ADGRV1: variants seen among roughly 807,000 people sequenced by gnomAD.
ADGRV1 encodes G-protein coupled receptor 98.
Under a neutral mutation model 596.2 loss-of-function variants are expected in ADGRV1, and 359 were observed. That is an observed-to-expected ratio of 0.60 (90% confidence interval 0.55 to 0.66). The LOEUF is 0.66. ADGRV1 is among the 30% of genes least tolerant of loss of function. The pLI, the probability that ADGRV1 is intolerant of heterozygous loss-of-function variation, is 0.00. For synonymous variants in ADGRV1, 2,681 were observed against 2,679.2 expected, an observed-to-expected ratio of 1.00 and a Z score of -0.02; for missense variants, 7,274 against 7,575.6, an observed-to-expected ratio of 0.96 and a Z score of 1.48.
chr5:91,063,846 C>CTGGTGGTGGTGG (rs199538556), intron 85 of ADGRV1, among the ~76,000 whole-genome samples: 2 of 151,028 alleles, frequency 1.3e-5, no homozygotes, highest in African/African-American at 4.9e-5. Context: ...CATAGGGGAG[C>CTGGTGGTGGTGG]TGGTGGTGGT....
chr5:91,012,156 A>C (rs751401738), intron 85 of ADGRV1, among the ~76,000 whole-genome samples: 2 of 151,890 alleles, frequency 1.3e-5, no homozygotes, highest in Non-Finnish European at 2.9e-5. Context: ...TCTATTGCCA[A>C]TTCACCTGGT....
intron 29 of ADGRV1, among the ~76,000 whole-genome samples, chr5:90,687,652 A>C (rs931623642): frequency 2.6e-5 from 4 of 152,138 alleles, no homozygotes; most frequent in African/African-American, 9.7e-5. Context: ...AGAAAATCCC[A>C]TTGTCTCAGC....
At chr5:90,863,983 C>T (rs1767853769) in intron 83 of ADGRV1, 126 bp downstream of exon 83, 2 of 635,038 alleles carry the variant, frequency 3.1e-6, no homozygotes, top group African/African-American at 1.8e-5. Flanking sequence ...TTTAGTTTTG[C>T]AGTGGAAGAG....
At chr5:90,774,749 C>T (rs1247035476) in intron 60 of ADGRV1, among the ~76,000 whole-genome samples, 1 of 152,036 alleles carries the variant, frequency 6.6e-6, no homozygotes, top group Non-Finnish European at 1.5e-5. Flanking sequence ...ACAGGTTTTG[C>T]AACAACATGC....
At chr5:90,823,341 G>T (rs1270456736) in intron 75 of ADGRV1, 84 bp from the exon 76 acceptor site, 10 of 1,334,974 alleles carry the variant, frequency 7.5e-6, no homozygotes, top group Non-Finnish European at 1.1e-5. Flanking sequence ...TTTGGATGAA[G>T]AGGTACCATT....
At chr5:90,999,564 G>A (rs1217033127) in intron 85 of ADGRV1, among the ~76,000 whole-genome samples, 8 of 151,990 alleles carry the variant, frequency 5.3e-5, no homozygotes, top group Admixed American at 4.6e-4. Flanking sequence ...AATTGCGGGT[G>A]GCAGAGTTGT....
chr5:90,809,473 C>A (rs1280710478), intron 73 of ADGRV1, among the ~76,000 whole-genome samples: 2 of 152,098 alleles, frequency 1.3e-5, no homozygotes, highest in Non-Finnish European at 2.9e-5. Flanking sequence ...TGATTTCAAC[C>A]CAGGCTGAAT....
At chr5:90,575,196 C>A (rs1580319122) in intron 1 of ADGRV1, among the ~76,000 whole-genome samples, 1 of 151,102 alleles carries the variant, frequency 6.6e-6, no homozygotes, top group African/African-American at 2.4e-5. Flanking sequence ...TGATTTGAGA[C>A]CTTTCTAACT....
intron 36 of ADGRV1, 43 bp downstream of exon 36, chr5:90,704,531 T>C: frequency 8.0e-7 from 1 of 1,248,136 alleles, no homozygotes; most frequent in African/African-American, 1.5e-5. Flanking sequence ...TATATTCTTT[T>C]CGTAAAAGAA....
Position 90,617,970 on chromosome 5 carries a change from TC to T in ADGRV1, c.357+19del. The T allele has an allele frequency of 6.6e-7, 1 of 1,521,178 alleles. No individual in the cohort carries two copies. Among genetic ancestry groups the T allele is most frequent in the East Asian group, 2.4e-5 (1 of 41,676 alleles). The allele number at this position is 1,521,178 out of a possible 1,614,324, so 94.2% of individuals were successfully genotyped here. A position where few individuals can be genotyped will look rare whatever the true frequency, so the allele number is the denominator to read the frequency against. On this transcript the variant is annotated intron_variant, in intron 3 of 89. Coordinates refer to ENST00000405460, the MANE Select transcript of ADGRV1 (RefSeq NM_032119.4). ...ACATTACAGGTAAGTCCGTGTTTCC[TC>T]CTTATAAAAATTATAAGGAGGACTT...
Position 90,961,895 on chromosome 5 carries a change from T to A in ADGRV1, c.17857-3520T>A, listed in dbSNP as rs574922650. 8.6e-4 allele frequency among the ~76,000 whole-genome samples: 131 copies of A among 152,328 alleles called. 3 individuals carry two copies. The highest frequency in any genetic ancestry group is 8.3e-3 in the Admixed American group (127 of 15,302). ...GAATTGAGAATAGTATTATATTTGC[T>A]CTTGGCATTATATTTGATTGTCATT... On this transcript the variant is annotated intron_variant, in intron 83 of 89. Coordinates refer to ENST00000405460, the MANE Select transcript of ADGRV1 (RefSeq NM_032119.4).
chr5:90,853,328 C>T lies in ADGRV1; in HGVS notation c.17249C>T (p.Ala5750Val). 1 of 1,612,628 alleles carries T rather than the reference C, an allele frequency of 6.2e-7. No individual in the cohort carries two copies. Among genetic ancestry groups the T allele is most frequent in the Non-Finnish European group, 8.5e-7 (1 of 1,179,032 alleles). Residue 5750 changes from alanine to valine, a missense_variant, in exon 80 of 90, where the codon GCT becomes GTT. Ala to Val is a moderately conservative substitution (Grantham distance 64). This residue lies in a region of ADGRV1 where 1,874 missense variants were observed against 1,970.2 expected (regional missense o/e 0.95). Coordinates refer to ENST00000405460, the MANE Select transcript of ADGRV1 (RefSeq NM_032119.4). ...LDSCPYLSILALHWYPQQING... is the reference protein window; with the variant it reads ...LDSCPYLSILVLHWYPQQING... ...AGTTGCCCATATTTGTCAATATTGG[C>T]TCTTCACTGGTATCCTCAGCAAATC...
In ADGRV1 at chr5:90,848,709, C is replaced by G. The variant is rs727503084; in HGVS notation, c.17092C>G (p.Leu5698Val). 2 of 1,588,380 alleles carry G rather than the reference C, an allele frequency of 1.3e-6. No homozygotes were observed. Among genetic ancestry groups the G allele is most frequent in the Non-Finnish European group, 1.7e-6 (2 of 1,169,974 alleles). ...TCTTTTCTATGAGATTCTTTGTTCT[C>G]TTATTAACCCAAAGCGCAAGGACAC... ...RTLFYEILCS[L>V]INPKRKDTRG... The change falls in exon 79 of 90, where the codon CTT (leucine) becomes GTT (valine). Residue 5698 changes from leucine to valine, a missense_variant. This residue lies in a region of ADGRV1 where 1,874 missense variants were observed against 1,970.2 expected (regional missense o/e 0.95). Transcript: ENST00000405460.
intron 20 of ADGRV1, 31 bp from the exon 21 acceptor site, chr5:90,657,874 T>C (rs1769648175): frequency 3.2e-6 from 5 of 1,573,412 alleles, no homozygotes; most frequent in African/African-American, 1.4e-5. Flanking sequence ...CTTGAAGGTA[T>C]TGTAGCATTT....
intron 85 of ADGRV1, among the ~76,000 whole-genome samples, chr5:91,066,916 A>G (rs2151377401): frequency 6.6e-6 from 1 of 152,296 alleles, no homozygotes; most frequent in South Asian, 2.1e-4. Flanking sequence ...CTGTGGGAGC[A>G]AGCCCTCCTC....
intron 78 of ADGRV1, among the ~76,000 whole-genome samples, chr5:90,847,802 C>G (rs928967392): frequency 1.3e-5 from 2 of 152,236 alleles, no homozygotes; most frequent in Admixed American, 6.5e-5. Context: ...ACCCGGAACT[C>G]GCGCTGGCCC....
At chr5:90,580,929 T>C (rs1407027791) in intron 1 of ADGRV1, among the ~76,000 whole-genome samples, 1 of 152,164 alleles carries the variant, frequency 6.6e-6, no homozygotes, top group Admixed American at 6.5e-5. Context: ...AGTCCCATAT[T>C]TTTTGAAGGC....
chr5:90,916,502 C>T (rs1355974507), intron 83 of ADGRV1, among the ~76,000 whole-genome samples: 1 of 152,006 alleles, frequency 6.6e-6, no homozygotes, highest in African/African-American at 2.4e-5. Flanking sequence ...TTCATGTGCA[C>T]CCCAGGTAAA....
At chr5:90,644,161 A>G (rs929803756) in intron 14 of ADGRV1, among the ~76,000 whole-genome samples, 178 bp downstream of exon 14, 15 of 152,302 alleles carry the variant, frequency 9.8e-5, no homozygotes, top group African/African-American at 3.4e-4. Flanking sequence ...TTTCTTACAT[A>G]GTATCGTGAT....
Sources: gnomAD v4.1 joint callset for allele counts (sites outside exome capture counted in the v4.1 genomes callset) on GRCh38, gnomAD v4.1.1 for gene constraint, gnomAD v4.1.1 regional missense constraint, MANE v1.5 for transcripts, NCBI Gene and HGNC (gene_info 2026-07-23, HGNC 2026-07-21) for gene names.